The following PI4KA variants were observed in gnomAD, a reference collection of about 807,000 sequenced individuals.
PI4KA encodes the protein phosphatidylinositol 4-kinase alpha.
PI4KA carries 122 observed loss-of-function variants against 271.4 expected under a neutral mutation model. The ratio of observed to expected loss-of-function variants is 0.45; its 90% CI spans 0.39 to 0.52. The LOEUF is 0.52. PI4KA is among the 20% of genes least tolerant of loss of function. PI4KA has a pLI of 0.00. For synonymous variants in PI4KA, 1,041 were observed against 1,078.8 expected, an observed-to-expected ratio of 0.96 and a Z score of 0.69; for missense variants, 1,969 against 2,769.1, an observed-to-expected ratio of 0.71 and a Z score of 6.48.
chr22:20,785,927 C>A (rs1478749219), intron 19 of PI4KA: 1 of 1,584,616 alleles, frequency 6.3e-7, no homozygotes, highest in African/African-American at 1.3e-5. Flanking sequence ...AACCCGTGGC[C>A]CTTTAAAGGG....
rs865870930 is a variant in PI4KA at position 20,847,015 on chromosome 22, C to T, written c.157-8284G>A. Among the ~76,000 whole-genome samples the T allele has an allele frequency of 2.6e-5, 4 of 151,320 alleles. No homozygotes were observed. In the Middle Eastern group the frequency reaches 0.01, roughly 391 times the overall value. Reference sequence around the variant, plus strand: ...ACAAAAAAATTAGCTGGGTGTGGTGCAACGCGCCTGTAATCCCAGCCACTC... The same window carrying T: ...ACAAAAAAATTAGCTGGGTGTGGTGTAACGCGCCTGTAATCCCAGCCACTC... On this transcript the variant is annotated intron_variant, in intron 1 of 54. Transcript: ENST00000255882.
At position 20,833,661 on chromosome 22, in the gene PI4KA, T is replaced by G. The variant is rs74544543; in HGVS notation, c.367+901A>C. Among the ~76,000 whole-genome samples, 179 of 69,238 alleles carry G rather than the reference T, an allele frequency of 2.6e-3. 5 individuals are homozygous for G. The highest frequency in any genetic ancestry group is 7.8e-3 in the Middle Eastern group (1 of 128). 45.4% of individuals were successfully genotyped at this position (69,238 alleles called of 152,430 possible). ...GACTAGTTTTGGTTTGTTTTTGTTT[T>G]TTTTTTTTTTTTTTTTTGAGACGGA... On this transcript the variant is annotated intron_variant, in intron 3 of 54. Coordinates refer to ENST00000255882, the MANE Select transcript of PI4KA (RefSeq NM_058004.4).
intron 3 of PI4KA, among the ~76,000 whole-genome samples, chr22:20,832,705 T>C (rs963978222): frequency 6.6e-6 from 1 of 152,212 alleles, no homozygotes; most frequent in African/African-American, 2.4e-5. Context: ...TCTACCCACC[T>C]TGGCCTCCCA....
At position 20,808,247 on chromosome 22, in the gene PI4KA, G is replaced by A. The variant is rs1935779117; in HGVS notation, c.1072-789C>T. On this transcript the variant is annotated intron_variant, in intron 9 of 54. Transcript: ENST00000255882. ...AGAGGTTGTGGTGAGCAGAGATCGC[G>A]CCATTGCACTCCAGCCTGGGCAACA... 4.7e-5 allele frequency among the ~76,000 whole-genome samples: 7 copies of A among 149,728 alleles called. No homozygotes were observed. The South Asian group carries it at 1.3e-3, about 27-fold the overall frequency.
At chr22:20,743,676 C>T (rs1929726272) in intron 30 of PI4KA, among the ~76,000 whole-genome samples, 1 of 152,220 alleles carries the variant, frequency 6.6e-6, no homozygotes, top group Non-Finnish European at 1.5e-5. Flanking sequence ...GAAGAACATA[C>T]AAGTGACAGA....
intron 8 of PI4KA, among the ~76,000 whole-genome samples, chr22:20,811,930 G>A (rs986070256): frequency 9.3e-5 from 14 of 150,436 alleles, no homozygotes; most frequent in South Asian, 2.1e-4. Flanking sequence ...GGAGAATGGC[G>A]TGAACCTGGG....
At chr22:20,835,914 G>T (rs1479401827) in intron 2 of PI4KA, among the ~76,000 whole-genome samples, 1 of 151,962 alleles carries the variant, frequency 6.6e-6, no homozygotes, top group African/African-American at 2.4e-5. Flanking sequence ...CAGGCATGGT[G>T]GTGGGCACCT....
In PI4KA at chr22:20,777,066, T is replaced by C. The variant is rs866453828; in HGVS notation, c.2329-11373A>G. On this transcript the variant is annotated intron_variant, in intron 19 of 54. Coordinates refer to ENST00000255882, the MANE Select transcript of PI4KA (RefSeq NM_058004.4). Reference sequence around the variant, plus strand: ...TTGTTTTTTTTTTGTTTTCTGTTTTTTGAGATAAGGACTCACTCTATCCCC... The same window carrying C: ...TTGTTTTTTTTTTGTTTTCTGTTTTCTGAGATAAGGACTCACTCTATCCCC... Among the ~76,000 whole-genome samples, 6 of 152,248 alleles carry C rather than the reference T, an allele frequency of 3.9e-5. No homozygotes were observed. In the Middle Eastern group the frequency reaches 0.01, roughly 259 times the overall value.
intron 1 of PI4KA, among the ~76,000 whole-genome samples, chr22:20,856,163 T>C (rs983113320): frequency 6.6e-6 from 1 of 151,922 alleles, no homozygotes; most frequent in Admixed American, 6.6e-5. Flanking sequence ...TACTAAAAAA[T>C]TTGCCCGGGG....
At chr22:20,776,897 A>G (rs1191337517) in intron 19 of PI4KA, among the ~76,000 whole-genome samples, 1 of 152,208 alleles carries the variant, frequency 6.6e-6, no homozygotes, top group African/African-American at 2.4e-5. Context: ...CTTCAGGCCT[A>G]CTGAGTTCAA....
At chr22:20,725,757 G>A (rs1477579511) in intron 42 of PI4KA, 10 of 310,284 alleles carry the variant, frequency 3.2e-5, no homozygotes, top group Middle Eastern at 5.9e-4. Context: ...TTAGCTGGGC[G>A]TGGTCGCACA....
intron 19 of PI4KA, among the ~76,000 whole-genome samples, chr22:20,790,753 C>A (rs984582457): frequency 4.8e-5 from 7 of 147,166 alleles, no homozygotes; most frequent in Non-Finnish European, 9.0e-5. Flanking sequence ...ACAAAAAAAA[C>A]CACCTCTGGA....
In PI4KA at chr22:20,751,701, C is replaced by T. The variant is rs1469111450; in HGVS notation, c.3042G>A (p.Leu1014=). The change falls in exon 26 of 55, where the codon CTG becomes CTA. Residue 1014 remains leucine, a synonymous_variant. Coordinates refer to ENST00000255882, the MANE Select transcript of PI4KA (RefSeq NM_058004.4). ...GTVLKTMLDI[L]QTLSLSLSAD... ...CGCTCAGTGACAGTGACAGGGTCTG[C>T]AGGATGTCCAGCATGGTCTTCAGCA... 7 of 1,614,000 alleles carry T rather than the reference C, an allele frequency of 4.3e-6. No homozygotes were observed. Among genetic ancestry groups the T allele is most frequent in the Non-Finnish European group, 5.1e-6 (6 of 1,179,972 alleles).
At chr22:20,734,905 G>C (rs1369027220) in intron 32 of PI4KA, among the ~76,000 whole-genome samples, 2 of 152,170 alleles carry the variant, frequency 1.3e-5, no homozygotes, top group African/African-American at 2.4e-5. Context: ...CTGTGAGCGG[G>C]AAGACCCCTC....
rs1601296409 is a variant in PI4KA at position 20,707,968 on chromosome 22, G to A, written c.*79C>T. 8.1e-7 allele frequency: 1 copy of A among 1,233,862 alleles called. No individual in the cohort carries two copies. The allele number at this position is 1,233,862 out of a possible 1,614,324, so 76.4% of individuals were successfully genotyped here. A position where few individuals can be genotyped will look rare whatever the true frequency, so the allele number is the denominator to read the frequency against. ...TCTCCTCCACTGCATGTGGCGGCAGGGCAGGGAGGTCGCAGGGCTCCATGA... is the reference window on the plus strand; with the variant it reads ...TCTCCTCCACTGCATGTGGCGGCAGAGCAGGGAGGTCGCAGGGCTCCATGA... On this transcript the variant is annotated 3_prime_UTR_variant, in exon 55 of 55. Transcript: ENST00000255882.
At chr22:20,823,806 T>C (rs1447270349) in intron 4 of PI4KA, among the ~76,000 whole-genome samples, 1 of 152,072 alleles carries the variant, frequency 6.6e-6, no homozygotes, top group African/African-American at 2.4e-5. Flanking sequence ...GCTGGCATGA[T>C]GGTGCACGCC....
rs440440 is a variant in PI4KA at position 20,710,915 on chromosome 22, A to G, written c.5924-57T>C. ...GGTAGGAGCCAGGGCGGGCAAGGAC[A>G]AGTGGTCTGTTTTGAGGAGTGGAAA... On this transcript the variant is annotated intron_variant, in intron 51 of 54. Coordinates refer to ENST00000255882, the MANE Select transcript of PI4KA (RefSeq NM_058004.4). The G allele has an allele frequency of 1.3e-3, 1,906 of 1,485,714 alleles. 5 individuals are homozygous for G. Among genetic ancestry groups the G allele is most frequent in the African/African-American group, 0.011 (756 of 70,042 alleles). The allele number at this position is 1,485,714 out of a possible 1,614,324, so 92.0% of individuals were successfully genotyped here. A position where few individuals can be genotyped will look rare whatever the true frequency, so the allele number is the denominator to read the frequency against.
intron 44 of PI4KA, 90 bp downstream of exon 44, chr22:20,718,603 G>A (rs1443079133): frequency 9.8e-6 from 14 of 1,428,616 alleles, no homozygotes; most frequent in East Asian, 2.3e-5. Context: ...GGCCAGGCAC[G>A]GGTATTTTTA....
intron 36 of PI4KA, among the ~76,000 whole-genome samples, chr22:20,731,258 G>A (rs566566270): frequency 3.9e-5 from 6 of 152,264 alleles, no homozygotes; most frequent in African/African-American, 9.6e-5. Context: ...TCTGATCACC[G>A]GCAACGTATA....
Sources: allele counts gnomAD v4.1 joint callset (sites outside exome capture counted in the v4.1 genomes callset), GRCh38; gene constraint gnomAD v4.1.1; transcripts MANE v1.5; gene names NCBI Gene and HGNC (gene_info 2026-07-23, HGNC 2026-07-21).